RBMS3: variants seen among roughly 807,000 people sequenced by gnomAD.
The protein encoded by RBMS3 is RNA binding motif single stranded interacting protein 3.
A neutral mutation model predicts 66.8 loss-of-function variants in RBMS3; 27 were observed. The observed-to-expected ratio is 0.40, with a 90% CI of 0.30 to 0.56. The LOEUF (loss-of-function observed/expected upper bound fraction) is 0.56, where lower values mean the gene tolerates loss of function less well. Ranked by LOEUF, RBMS3 falls within the 20% of genes least tolerant of loss-of-function variation. RBMS3 has a pLI of 0.40. For synonymous variants in RBMS3, 188 were observed against 183.0 expected (o/e 1.03, Z -0.22); for missense variants, 513 against 549.5 (o/e 0.93, Z 0.66).
Position 29,387,159 on chromosome 3 carries a change from A to G in RBMS3, c.76-47584A>G, listed in dbSNP as rs929526047. 4.6e-5 allele frequency among the ~76,000 whole-genome samples: 7 copies of G among 152,322 alleles called. No homozygotes were observed. The East Asian group carries it at 1.2e-3, about 25-fold the overall frequency. Reference sequence around the variant, plus strand: ...CATATATAAATTTGCTTCTTTAAATATCACCTATATCATGATGATCCTCAA... The same window carrying G: ...CATATATAAATTTGCTTCTTTAAATGTCACCTATATCATGATGATCCTCAA... On this transcript the variant is annotated intron_variant, in intron 1 of 14. Coordinates refer to ENST00000383767, the MANE Select transcript of RBMS3 (RefSeq NM_001003793.3).
intron 3 of RBMS3, among the ~76,000 whole-genome samples, chr3:29,559,537 A>C (rs1056440539): frequency 2.4e-5 from 3 of 126,208 alleles, no homozygotes; most frequent in African/African-American, 6.3e-5. Context: ...AAAAAAAAAA[A>C]AAAAAAAAAA....
chr3:29,635,813 T>C (rs1041076890), intron 4 of RBMS3, among the ~76,000 whole-genome samples: 2 of 151,892 alleles, frequency 1.3e-5, no homozygotes, highest in Non-Finnish European at 2.9e-5. Context: ...CCTAATTAAC[T>C]GTACTTCTCA....
At chr3:29,484,828 T>C (rs1461603301) in intron 2 of RBMS3, among the ~76,000 whole-genome samples, 1 of 152,302 alleles carries the variant, frequency 6.6e-6, no homozygotes, top group East Asian at 1.9e-4. Flanking sequence ...CCACATTTGC[T>C]AAAAGGCTAA....
In RBMS3 at chr3:29,434,751, T is replaced by C. The variant is rs2041334067; in HGVS notation, c.84T>C (p.Tyr28=). Reference sequence around the variant, plus strand: ...GCTTTTTCTGTTTCCAGCAGTCCTATGCACCAGCTCCCCACCCCATGGCTC... The same window carrying C: ...GCTTTTTCTGTTTCCAGCAGTCCTACGCACCAGCTCCCCACCCCATGGCTC... ...YPHYLQTKQS[Y]APAPHPMAPP... is the part of the protein sequence containing the mutation. Residue 28 remains tyrosine, a synonymous_variant, in exon 2 of 15, where the codon TAT becomes TAC. Coordinates refer to ENST00000383767, the MANE Select transcript of RBMS3 (RefSeq NM_001003793.3). 6.2e-7 allele frequency: 1 copy of C among 1,613,252 alleles called. No individual in the cohort carries two copies. Among genetic ancestry groups the C allele is most frequent in the Non-Finnish European group, 8.5e-7 (1 of 1,179,596 alleles).
chr3:29,782,121 G>A (rs2056653797), intron 6 of RBMS3, among the ~76,000 whole-genome samples: 1 of 152,090 alleles, frequency 6.6e-6, no homozygotes, highest in African/African-American at 2.4e-5. Flanking sequence ...TGCCTGAGAA[G>A]CCTGAATACT....
intron 1 of RBMS3, among the ~76,000 whole-genome samples, chr3:29,381,580 A>G (rs2125624471): frequency 6.6e-6 from 1 of 152,354 alleles, no homozygotes. Flanking sequence ...GAAATAATGT[A>G]GAAAGAGCTG....
At chr3:29,612,579 C>A (rs1206446724) in intron 4 of RBMS3, among the ~76,000 whole-genome samples, 1 of 151,840 alleles carries the variant, frequency 6.6e-6, no homozygotes, top group Non-Finnish European at 1.5e-5. Context: ...AAACATTCTA[C>A]AAAATTTGTG....
At chr3:29,460,228 T>C (rs895711091) in intron 2 of RBMS3, among the ~76,000 whole-genome samples, 7 of 152,180 alleles carry the variant, frequency 4.6e-5, no homozygotes, top group Admixed American at 3.3e-4. Flanking sequence ...TACACAATAG[T>C]ACAGAGTTTT....
intron 4 of RBMS3, among the ~76,000 whole-genome samples, chr3:29,643,733 G>A (rs750184878): frequency 1.3e-5 from 2 of 152,078 alleles, no homozygotes; most frequent in Non-Finnish European, 2.9e-5. Flanking sequence ...GAGGTTTCTA[G>A]AGAAAAGGCC....
At chr3:29,474,125 C>T (rs1435253623) in intron 2 of RBMS3, among the ~76,000 whole-genome samples, 1 of 152,248 alleles carries the variant, frequency 6.6e-6, no homozygotes, top group African/African-American at 2.4e-5. Context: ...TCATCTCTGC[C>T]AAGGATAACC....
At chr3:29,359,774 G>T (rs2125577760) in intron 1 of RBMS3, among the ~76,000 whole-genome samples, 1 of 152,194 alleles carries the variant, frequency 6.6e-6, no homozygotes, top group Middle Eastern at 3.4e-3. Flanking sequence ...TTTAGTCTTG[G>T]GAGGGTGTAT....
chr3:29,745,299 C>T (rs899593259), intron 5 of RBMS3, among the ~76,000 whole-genome samples: 2 of 152,042 alleles, frequency 1.3e-5, no homozygotes, highest in Non-Finnish European at 2.9e-5. Flanking sequence ...ATCCACCCCC[C>T]TCCAGGCAGC....
intron 3 of RBMS3, among the ~76,000 whole-genome samples, chr3:29,507,790 G>A (rs2044241130): frequency 6.6e-6 from 1 of 152,052 alleles, no homozygotes; most frequent in Admixed American, 6.6e-5. Flanking sequence ...TAAACATAAT[G>A]CATTTAGAAG....
At position 29,813,032 on chromosome 3, in the gene RBMS3, A is replaced by G. The variant is rs201708192; in HGVS notation, c.637+50043A>G. 2.6e-4 allele frequency among the ~76,000 whole-genome samples: 39 copies of G among 152,174 alleles called. No homozygotes were observed. In the East Asian group the frequency reaches 5.6e-3, roughly 22 times the overall value. ...AGTAGTGTATCATGAACTTCTTTAC[A>G]TAAATATATGCATTTTAATGTTTCA... is the stretch of plus-strand genomic sequence containing the variant. On this transcript the variant is annotated intron_variant, in intron 6 of 14. Transcript: ENST00000383767.
chr3:29,433,138 T>A (rs903432276), intron 1 of RBMS3, among the ~76,000 whole-genome samples: 2 of 152,012 alleles, frequency 1.3e-5, no homozygotes, highest in Non-Finnish European at 2.9e-5. Flanking sequence ...AATGAAACTG[T>A]AGAGACACAA....
intron 6 of RBMS3, chr3:29,767,564 G>T (rs1020124329): frequency 6.6e-6 from 1 of 151,968 alleles, no homozygotes; most frequent in African/African-American, 2.4e-5. Flanking sequence ...AATAAATAAA[G>T]CATGGGGCTT....
At chr3:29,903,773 A>G (rs2060310077) in intron 10 of RBMS3, among the ~76,000 whole-genome samples, 1 of 152,000 alleles carries the variant, frequency 6.6e-6, no homozygotes, top group South Asian at 2.1e-4. Context: ...CAAATTGGTT[A>G]TCTAATTACA....
chr3:29,710,771 T>C (rs1286214221), intron 4 of RBMS3, among the ~76,000 whole-genome samples: 1 of 152,220 alleles, frequency 6.6e-6, no homozygotes, highest in Non-Finnish European at 1.5e-5. Flanking sequence ...ACCATTTTCT[T>C]TAGAGGCTTT....
intron 1 of RBMS3, chr3:29,391,125 A>G (rs2039275753): frequency 5.0e-6 from 1 of 200,558 alleles, no homozygotes; most frequent in East Asian, 7.8e-5. Context: ...GAAACCCCAA[A>G]AAAATGGTTA....
Sources: allele counts gnomAD v4.1 joint callset (sites outside exome capture counted in the v4.1 genomes callset), GRCh38; gene constraint gnomAD v4.1.1; transcripts MANE v1.5; gene names NCBI Gene and HGNC (gene_info 2026-07-23, HGNC 2026-07-21).